Variants in IQGAP1 observed in about 807,000 individuals in gnomAD.
IQGAP1 encodes the protein ras GTPase-activating-like protein IQGAP1.
In IQGAP1, 66 loss-of-function variants were observed where a neutral mutation model predicts 215.6. The observed-to-expected ratio is 0.31, with a 90% confidence interval of 0.25 to 0.38. IQGAP1 has a LOEUF of 0.38. Among genes scored for constraint, IQGAP1 ranks in the 10% least tolerant of loss-of-function variants. IQGAP1 has a pLI of 1.00. For synonymous variants in IQGAP1, 772 were observed against 728.7 expected, an observed-to-expected ratio of 1.06 and a Z score of -0.96; for missense variants, 1,712 against 1,997.1, an observed-to-expected ratio of 0.86 and a Z score of 2.72.
At chr15:90,475,699 G>C (rs1965969579) in intron 23 of IQGAP1, 1 of 144,458 alleles carries the variant, frequency 6.9e-6, no homozygotes, top group African/African-American at 2.6e-5. Context: ...GTTGCAGTGA[G>C]CCAAGATTGC....
chr15:90,497,364 A>G, intron 37 of IQGAP1, 24 bp downstream of exon 37: 1 of 1,184,942 alleles, frequency 8.4e-7, no homozygotes, highest in Non-Finnish European at 1.3e-6. Flanking sequence ...AGCAGGAACC[A>G]AAAACTTTCT....
Position 90,474,417 on chromosome 15 carries a change from C to G in IQGAP1, c.2576-68C>G. The stretch of plus-strand genomic sequence containing the variant: ...TTATGAATAGACTACTTTTTCAAGA[C>G]AATGCTATTTCCTGAGACGTAGTAC... On this transcript the variant is annotated intron_variant, in intron 22 of 37. Coordinates refer to ENST00000268182, the MANE Select transcript of IQGAP1 (RefSeq NM_003870.4). 3.3e-6 allele frequency: 4 copies of G among 1,225,118 alleles called. No individual in the cohort carries two copies. The South Asian group carries it at 4.8e-5, about 15-fold the overall frequency. The allele number at this position is 1,225,118 out of a possible 1,614,324, so 75.9% of individuals were successfully genotyped here.
chr15:90,389,027 T>C (rs1212601042), intron 1 of IQGAP1, among the ~76,000 whole-genome samples: 1 of 152,166 alleles, frequency 6.6e-6, no homozygotes, highest in Non-Finnish European at 1.5e-5. Flanking sequence ...GCAGGCAGGA[T>C]TGGCTAAAGG....
intron 32 of IQGAP1, 72 bp downstream of exon 32, chr15:90,487,161 C>A: frequency 6.7e-7 from 1 of 1,494,902 alleles, no homozygotes; most frequent in Non-Finnish European, 9.3e-7. Flanking sequence ...GAGGAACCTG[C>A]TGGGTCCTAC....
At chr15:90,465,671 ATGTTTGTTTGTTTGTT>A (rs36085795) in intron 15 of IQGAP1, among the ~76,000 whole-genome samples, 1,121 of 89,200 alleles carry the variant, frequency 0.013, 10 homozygotes, top group African/African-American at 0.04. Context: ...TGGCCAAGCT[ATGTTTGTTTGTTTGTT>A]TGTTTGTTTG....
At chr15:90,449,272 C>G (rs997654806) in intron 10 of IQGAP1, among the ~76,000 whole-genome samples, 1 of 152,038 alleles carries the variant, frequency 6.6e-6, no homozygotes, top group Admixed American at 6.5e-5. Context: ...AAGTAAGTAG[C>G]ATTAACGTGC....
At position 90,472,931 on chromosome 15, in the gene IQGAP1, G is replaced by A. The variant is rs564402284; in HGVS notation, c.2270G>A (p.Arg757His). ...ATCACCAGGCTGCAGGCTCGCTGCC[G>A]TGGATACTTAGTTCGACAGGAATTC... ...GLITRLQARCRGYLVRQEFRS... is the reference protein window; with the variant it reads ...GLITRLQARCHGYLVRQEFRS... Residue 757 changes from arginine to histidine, a missense_variant, in exon 19 of 38, where the codon CGT (arginine) becomes CAT (histidine). By Grantham distance (29) the Arg-to-His change is conservative. Around this residue, in one of 2 missense-constraint regions of IQGAP1, gnomAD observed 1,021 missense variants for 1,074.2 expected, o/e 0.95. Transcript: ENST00000268182. 3.0e-5 allele frequency: 49 copies of A among 1,614,006 alleles called. No individual in the cohort carries two copies. The highest frequency in any genetic ancestry group is 2.1e-4 in the South Asian group (19 of 91,070).
At chr15:90,405,597 G>A (rs1024284511) in intron 2 of IQGAP1, among the ~76,000 whole-genome samples, 1 of 152,302 alleles carries the variant, frequency 6.6e-6, no homozygotes, top group East Asian at 1.9e-4. Context: ...ATAAGCTTCA[G>A]AAATACTGAG....
chr15:90,426,091 CCT>C lies in IQGAP1; in HGVS notation c.156-13_156-12del. ...TGACCTTCCCTTTCTTTTTTTGCATCCTCTCTCCTTTGGTGCAGGTGGATGGA... is the reference window on the plus strand; with the variant it reads ...TGACCTTCCCTTTCTTTTTTTGCATCCTCTCCTTTGGTGCAGGTGGATGGA... On this transcript the variant is annotated splice_polypyrimidine_tract_variant and intron_variant, in intron 2 of 37. Coordinates refer to ENST00000268182, the MANE Select transcript of IQGAP1 (RefSeq NM_003870.4). 6.3e-7 allele frequency: 1 copy of C among 1,579,236 alleles called. No individual in the cohort carries two copies. The highest frequency in any genetic ancestry group is 8.6e-7 in the Non-Finnish European group (1 of 1,168,068).
At chr15:90,490,808 G>C (rs1966192150) in intron 33 of IQGAP1, among the ~76,000 whole-genome samples, 1 of 152,048 alleles carries the variant, frequency 6.6e-6, no homozygotes, top group Non-Finnish European at 1.5e-5. Flanking sequence ...TTGTTTGTTT[G>C]CTTGTTTTTT....
chr15:90,428,892 C>T (rs1013363706), intron 3 of IQGAP1, among the ~76,000 whole-genome samples: 1 of 152,176 alleles, frequency 6.6e-6, no homozygotes, highest in African/African-American at 2.4e-5. Context: ...CATTCTGTCG[C>T]CTAGGCTGGA....
At position 90,441,612 on chromosome 15, in the gene IQGAP1, G is replaced by A; in HGVS notation, c.756G>A (p.Glu252=). 1 of 1,613,708 alleles carries A rather than the reference G, an allele frequency of 6.2e-7. No individual in the cohort carries two copies. The highest frequency in any genetic ancestry group is 8.5e-7 in the Non-Finnish European group (1 of 1,179,802). Residue 252 remains glutamate (E), a synonymous_variant, in exon 8 of 38, where the codon GAG becomes GAA. Coordinates refer to ENST00000268182, the MANE Select transcript of IQGAP1 (RefSeq NM_003870.4). ...NPNAMLVNLE[E]PLASTYQDIL... ...ATGCCATGCTTGTAAATCTTGAAGA[G>A]CCCTTGGCATCCACTTACCAGGATA...
intron 11 of IQGAP1, 32 bp from the exon 12 acceptor site, chr15:90,452,743 C>T: frequency 3.1e-6 from 5 of 1,610,096 alleles, no homozygotes; most frequent in Non-Finnish European, 4.2e-6. Context: ...TCTCTAAGCC[C>T]ACTGCGTTTC....
Position 90,441,503 on chromosome 15 carries a change from T to C in IQGAP1, c.650-3T>C. The C allele has an allele frequency of 6.3e-7, 1 of 1,595,636 alleles. No individual in the cohort carries two copies. Among genetic ancestry groups the C allele is most frequent in the South Asian group, 1.1e-5 (1 of 88,712 alleles). On this transcript the variant is annotated splice_region_variant and splice_polypyrimidine_tract_variant and intron_variant, in intron 7 of 37. Transcript: ENST00000268182. ...TGGTTTGTTTTTTTGTTTTTTTTTT[T>C]AGTACATGCTGCTGTTATTGCTATT...
At chr15:90,420,457 C>G (rs759259423) in intron 2 of IQGAP1, among the ~76,000 whole-genome samples, 1 of 152,164 alleles carries the variant, frequency 6.6e-6, no homozygotes, top group Non-Finnish European at 1.5e-5. Flanking sequence ...CTTCTGACTA[C>G]TGGAGTCCAG....
At chr15:90,471,427 C>T (rs1018862418) in intron 18 of IQGAP1, among the ~76,000 whole-genome samples, 14 of 151,536 alleles carry the variant, frequency 9.2e-5, no homozygotes, top group African/African-American at 3.4e-4. Flanking sequence ...GTCTGTTTCT[C>T]TCAAGGAGCT....
intron 15 of IQGAP1, among the ~76,000 whole-genome samples, chr15:90,457,584 G>T (rs1383860230): frequency 6.9e-6 from 1 of 145,960 alleles, no homozygotes; most frequent in Non-Finnish European, 1.5e-5. Context: ...GAGCCACCAT[G>T]CCTGGCTAAA....
chr15:90,491,134 T>G (rs946302066), intron 33 of IQGAP1, among the ~76,000 whole-genome samples, 199 bp from the exon 34 acceptor site: 2 of 152,194 alleles, frequency 1.3e-5, no homozygotes, highest in Non-Finnish European at 1.5e-5. Context: ...GTAGATATCA[T>G]CTCTTCTAGG....
At position 90,465,995 on chromosome 15, in the gene IQGAP1, A is replaced by G. The variant is rs747795243; in HGVS notation, c.1777-6A>G. The G allele has an allele frequency of 1.3e-5, 21 of 1,612,176 alleles. No individual in the cohort carries two copies. Among genetic ancestry groups the G allele is most frequent in the Non-Finnish European group, 1.8e-5 (21 of 1,178,374 alleles). ...ACTTTAATATTTTGCTTTTAATGAT[A>G]TGTAGGAAATCCAGGATGAGTCAGC... On this transcript the variant is annotated splice_region_variant and splice_polypyrimidine_tract_variant and intron_variant, in intron 15 of 37. Transcript: ENST00000268182.
Sources: gnomAD v4.1 joint callset for allele counts (sites outside exome capture counted in the v4.1 genomes callset) on GRCh38, gnomAD v4.1.1 for gene constraint, gnomAD v4.1.1 regional missense constraint, MANE v1.5 for transcripts, NCBI Gene and HGNC (gene_info 2026-07-23, HGNC 2026-07-21) for gene names.